The following ATRNL1 variants were observed in gnomAD, a reference collection of about 807,000 sequenced individuals.
The protein encoded by ATRNL1 is attractin-like protein 1.
ATRNL1 carries 95 observed loss-of-function variants against 182.7 expected under a neutral mutation model. That is an observed-to-expected ratio of 0.52 (90% CI 0.44 to 0.62). The LOEUF is 0.62. Among genes scored for constraint, ATRNL1 ranks in the 20% least tolerant of loss-of-function variants. The probability of loss-of-function intolerance (pLI) is 0.00; values close to 1 mark genes in which losing one functional copy is unlikely to be tolerated. For synonymous variants in ATRNL1, 576 were observed against 568.3 expected, an observed-to-expected ratio of 1.01 and a Z score of -0.19; for missense variants, 1,471 against 1,679.5, an observed-to-expected ratio of 0.88 and a Z score of 2.17.
chr10:115,594,259 AT>A (rs1401582454), intron 26 of ATRNL1, among the ~76,000 whole-genome samples: 3 of 152,108 alleles, frequency 2.0e-5, no homozygotes, highest in African/African-American at 7.2e-5. Flanking sequence ...ATTCTATATT[AT>A]AAATACTTAA....
chr10:115,192,756 A>G (rs1376836348), intron 8 of ATRNL1, among the ~76,000 whole-genome samples: 2 of 152,010 alleles, frequency 1.3e-5, no homozygotes, highest in Non-Finnish European at 2.9e-5. Flanking sequence ...TCAGTGTCTT[A>G]TAATTTCAAT....
intron 21 of ATRNL1, among the ~76,000 whole-genome samples, chr10:115,441,326 C>A (rs1554965667): frequency 6.6e-6 from 1 of 151,868 alleles, no homozygotes; most frequent in Non-Finnish European, 1.5e-5. Context: ...ATCAACCCTT[C>A]TCAAAATAGT....
intron 28 of ATRNL1, among the ~76,000 whole-genome samples, chr10:115,852,705 T>C (rs538399820): frequency 6.6e-6 from 1 of 152,290 alleles, no homozygotes; most frequent in Non-Finnish European, 1.5e-5. Flanking sequence ...TACTGGGGCA[T>C]AGCCCTTATT....
intron 26 of ATRNL1, among the ~76,000 whole-genome samples, chr10:115,563,689 A>G (rs1007366005): frequency 1.3e-5 from 2 of 152,186 alleles, no homozygotes; most frequent in South Asian, 2.1e-4. Flanking sequence ...TTAACAATAC[A>G]TAGTTGTCTT....
intron 9 of ATRNL1, among the ~76,000 whole-genome samples, chr10:115,228,817 G>A (rs1247662325): frequency 6.9e-6 from 1 of 145,044 alleles, no homozygotes; most frequent in East Asian, 2.1e-4. Flanking sequence ...CCAGGCTAGA[G>A]TGCAGTGGCA....
rs1473468111 is a variant in ATRNL1 at position 115,774,960 on chromosome 10, GTGACGT to G, written c.3903+47610_3903+47615del. 2.6e-5 allele frequency among the ~76,000 whole-genome samples: 4 copies of G among 151,920 alleles called. No individual in the cohort carries two copies. In the East Asian group the frequency reaches 7.7e-4, roughly 29 times the overall value. On this transcript the variant is annotated intron_variant, in intron 27 of 28. Coordinates refer to ENST00000355044, the MANE Select transcript of ATRNL1 (RefSeq NM_207303.4). ...GAAGTTAAATAAAAGAATGACTATT[GTGACGT>G]TGACTAATAGTCATAAGACATTAGC... is the stretch of plus-strand genomic sequence containing the variant.
chr10:115,104,656 T>C (rs1843922947), intron 1 of ATRNL1, among the ~76,000 whole-genome samples: 1 of 152,116 alleles, frequency 6.6e-6, no homozygotes, highest in Non-Finnish European at 1.5e-5. Context: ...CCCAATGTTG[T>C]AGTAGTTTCA....
At chr10:115,476,226 G>A (rs1554973075) in intron 24 of ATRNL1, among the ~76,000 whole-genome samples, 1 of 151,188 alleles carries the variant, frequency 6.6e-6, no homozygotes, top group African/African-American at 2.4e-5. Flanking sequence ...TATTTCAGGT[G>A]TCTCCTTTTT....
chr10:115,942,300 G>A (rs371363738), intron 28 of ATRNL1, among the ~76,000 whole-genome samples: 4 of 152,136 alleles, frequency 2.6e-5, no homozygotes, highest in Admixed American at 6.5e-5. Flanking sequence ...TCTGCTGGCC[G>A]TACTTCCTGT....
intron 20 of ATRNL1, among the ~76,000 whole-genome samples, chr10:115,412,828 A>T (rs188957050): frequency 2.6e-5 from 4 of 152,180 alleles, no homozygotes; most frequent in African/African-American, 9.6e-5. Context: ...AGTAATTTAC[A>T]TTTTATATCT....
intron 21 of ATRNL1, among the ~76,000 whole-genome samples, chr10:115,429,206 T>C (rs1441596815): frequency 1.3e-5 from 2 of 152,166 alleles, no homozygotes; most frequent in Admixed American, 1.3e-4. Flanking sequence ...TTCAAAATTT[T>C]GTTTTCTACT....
chr10:115,355,581 T>C (rs1358814932), intron 19 of ATRNL1, among the ~76,000 whole-genome samples: 1 of 152,126 alleles, frequency 6.6e-6, no homozygotes, highest in African/African-American at 2.4e-5. Flanking sequence ...TCCAATTATT[T>C]GTAAAACAAA....
intron 26 of ATRNL1, among the ~76,000 whole-genome samples, chr10:115,698,669 T>C (rs1171400038): frequency 6.6e-6 from 1 of 151,918 alleles, no homozygotes; most frequent in African/African-American, 2.4e-5. Flanking sequence ...TCCCAGCTAC[T>C]CGGGAGGCTG....
intron 26 of ATRNL1, among the ~76,000 whole-genome samples, chr10:115,687,158 A>G (rs1366591787): frequency 3.3e-5 from 5 of 152,106 alleles, no homozygotes; most frequent in Admixed American, 6.6e-5. Context: ...TACATTAACT[A>G]TACACATTAT....
chr10:115,865,886 TC>T (rs1428440212), intron 28 of ATRNL1, among the ~76,000 whole-genome samples: 1 of 152,182 alleles, frequency 6.6e-6, no homozygotes, highest in Non-Finnish European at 1.5e-5. Context: ...CTTTTTCTTT[TC>T]CTGGATTGTT....
chr10:115,659,546 TATTTA>T (rs1555037117), intron 26 of ATRNL1, among the ~76,000 whole-genome samples: 1 of 152,126 alleles, frequency 6.6e-6, no homozygotes, highest in Non-Finnish European at 1.5e-5. Flanking sequence ...TATTTAATGT[TATTTA>T]ATGTAATGTT....
At chr10:115,688,752 CA>C (rs1555047145) in intron 26 of ATRNL1, among the ~76,000 whole-genome samples, 1 of 152,082 alleles carries the variant, frequency 6.6e-6, no homozygotes, top group East Asian at 1.9e-4. Context: ...TTTCCCCATT[CA>C]GGGGGTGGTC....
At chr10:115,131,550 T>C (rs1474219501) in intron 5 of ATRNL1, among the ~76,000 whole-genome samples, 1 of 152,142 alleles carries the variant, frequency 6.6e-6, no homozygotes. Context: ...AAATGATGTT[T>C]TTATTTCAGA....
chr10:115,737,668 G>A (rs1947997799), intron 27 of ATRNL1, among the ~76,000 whole-genome samples: 1 of 152,236 alleles, frequency 6.6e-6, no homozygotes, highest in East Asian at 1.9e-4. Flanking sequence ...CCCTTCACTT[G>A]TTAATGTGGT....
Sources: allele counts gnomAD v4.1 joint callset (sites outside exome capture counted in the v4.1 genomes callset), GRCh38; gene constraint gnomAD v4.1.1; transcripts MANE v1.5; gene names NCBI Gene and HGNC (gene_info 2026-07-23, HGNC 2026-07-21).